PIEZO2: variants seen among roughly 807,000 people sequenced by gnomAD.
PIEZO2 encodes piezo type mechanosensitive ion channel component 2.
Under a neutral mutation model 337.3 loss-of-function variants are expected in PIEZO2, and 172 were observed. That is an observed-to-expected ratio of 0.51 (90% CI 0.45 to 0.58). The LOEUF (loss-of-function observed/expected upper bound fraction) is 0.58, where lower values mean the gene tolerates loss of function less well. Among genes scored for constraint, PIEZO2 ranks in the 20% least tolerant of loss-of-function variants. The pLI, the probability that PIEZO2 is intolerant of heterozygous loss-of-function variation, is 0.00. For synonymous variants in PIEZO2, 1,251 were observed against 1,228.5 expected (o/e 1.02, Z -0.38); for missense variants, 3,028 against 3,391.3 (o/e 0.89, Z 2.66).
intron 7 of PIEZO2, among the ~76,000 whole-genome samples, chr18:10,826,954 A>C (rs1568104234): frequency 6.6e-6 from 1 of 152,214 alleles, no homozygotes; most frequent in Non-Finnish European, 1.5e-5. Flanking sequence ...AGAATTATTC[A>C]GATGTAGCCT....
chr18:10,949,124 T>C (rs936302061), intron 3 of PIEZO2, among the ~76,000 whole-genome samples: 38 of 152,220 alleles, frequency 2.5e-4, no homozygotes, highest in Admixed American at 1.3e-4. Context: ...GTTATATCTA[T>C]TCTGAGATAA....
intron 2 of PIEZO2, among the ~76,000 whole-genome samples, chr18:10,985,002 A>G (rs1331543102): frequency 6.6e-6 from 1 of 152,128 alleles, no homozygotes; most frequent in Non-Finnish European, 1.5e-5. Context: ...TGTTCTCCAG[A>G]AATGAAGAAC....
chr18:10,728,966 A>C (rs1390657658), intron 36 of PIEZO2, among the ~76,000 whole-genome samples: 8 of 148,706 alleles, frequency 5.4e-5, no homozygotes, highest in South Asian at 2.2e-4. Flanking sequence ...AAAAAAAAAA[A>C]AAAAAAAACA....
Position 11,143,627 on chromosome 18 carries a change from ACACACACACACACTCT to A in PIEZO2, c.64+4882_64+4897del, listed in dbSNP as rs869102152. On this transcript the variant is annotated intron_variant, in intron 1 of 55. Coordinates refer to ENST00000674853, the MANE Select transcript of PIEZO2 (RefSeq NM_001378183.1). This position sits in a 1 kb window ranked among gnomAD's most constrained non-coding sequence, Gnocchi z 4.9. ...CACACACACACACACACACACACACACACACACACACACTCTCTCTCTCTCTCTCTCTCTCTCTCTC... is the reference window on the plus strand; with the variant it reads ...CACACACACACACACACACACACACACTCTCTCTCTCTCTCTCTCTCTCTC... 6.4e-3 allele frequency among the ~76,000 whole-genome samples: 690 copies of A among 107,860 alleles called. 5 individuals are homozygous for A. Among genetic ancestry groups the A allele is most frequent in the Admixed American group, 1.0e-2 (110 of 11,026 alleles). The allele number at this position is 107,860 out of a possible 152,430, so 70.8% of individuals were successfully genotyped here.
rs929586351 is a variant in PIEZO2 at position 10,751,561 on chromosome 18, C to T, written c.4167+1075G>A. On this transcript the variant is annotated intron_variant, in intron 28 of 55. Coordinates refer to ENST00000674853, the MANE Select transcript of PIEZO2 (RefSeq NM_001378183.1). The stretch of plus-strand genomic sequence containing the variant: ...TTATCCAAATACCTATTCATGGCTA[C>T]ATAAACTTGGCTTTCCAAGACTTCT... Among the ~76,000 whole-genome samples the T allele has an allele frequency of 4.0e-5, 6 of 151,116 alleles. 1 individual carries two copies. In the South Asian group the frequency reaches 1.3e-3, roughly 32 times the overall value.
chr18:10,725,446 T>A lies in PIEZO2; in HGVS notation c.5029+5961A>T, dbSNP rs61054604. 15,538 of 1,589,836 alleles carry A rather than the reference T, an allele frequency of 9.8e-3. 1,298 individuals are homozygous for A. The African/African-American group carries it at 0.18, about 19-fold the overall frequency. On this transcript the variant is annotated intron_variant, in intron 36 of 55. Transcript: ENST00000674853. ...CGCCAGTACTGGTTGGAGGGCATGC[T>A]GTGGCATGAAATAGGTCAGGGTGTG... is the stretch of plus-strand genomic sequence containing the variant.
intron 47 of PIEZO2, among the ~76,000 whole-genome samples, chr18:10,693,734 T>A (rs908777790): frequency 1.3e-4 from 20 of 151,728 alleles, no homozygotes; most frequent in Non-Finnish European, 2.6e-4. Context: ...CACCATTCAC[T>A]GGCTGAATGA....
At position 10,953,582 on chromosome 18, in the gene PIEZO2, C is replaced by T. The variant is rs1368135592; in HGVS notation, c.286+25953G>A. ...GGGTCTATTTCTGTACTCTTTTTTTCCTTCACCAATAGCAAACTGGCTTGA... is the reference window on the plus strand; with the variant it reads ...GGGTCTATTTCTGTACTCTTTTTTTTCTTCACCAATAGCAAACTGGCTTGA... On this transcript the variant is annotated intron_variant, in intron 3 of 55. Coordinates refer to ENST00000674853, the MANE Select transcript of PIEZO2 (RefSeq NM_001378183.1). The surrounding 1 kb of genome is among the most constrained non-coding windows in gnomAD (Gnocchi z 5.2). Among the ~76,000 whole-genome samples the T allele has an allele frequency of 1.3e-5, 2 of 151,882 alleles. No individual in the cohort carries two copies. Among genetic ancestry groups the T allele is most frequent in the Admixed American group, 6.6e-5 (1 of 15,260 alleles).
At position 10,862,102 on chromosome 18, in the gene PIEZO2, A is replaced by G. The variant is rs2041889221; in HGVS notation, c.493-4891T>C. 6.6e-6 allele frequency among the ~76,000 whole-genome samples: 1 copy of G among 152,132 alleles called. No homozygotes were observed. Among genetic ancestry groups the G allele is most frequent in the Non-Finnish European group, 1.5e-5 (1 of 68,038 alleles). On this transcript the variant is annotated intron_variant, in intron 5 of 55. Coordinates refer to ENST00000674853, the MANE Select transcript of PIEZO2 (RefSeq NM_001378183.1). The surrounding 1 kb of genome is among the most constrained non-coding windows in gnomAD (Gnocchi z 4.4). ...TTAATGTCCTCAACACAAATAAATA[A>G]TAAGTATTTGAGATGATGAATATGC...
Position 10,707,876 on chromosome 18 carries a change from T to G in PIEZO2, c.5588+399A>C, listed in dbSNP as rs983596631. 2.0e-5 allele frequency among the ~76,000 whole-genome samples: 3 copies of G among 152,248 alleles called. No individual in the cohort carries two copies. The highest frequency in any genetic ancestry group is 4.8e-5 in the African/African-American group (2 of 41,460). Reference sequence around the variant, plus strand: ...GATTTTTTTCCTACTGCATGCATCTTTTGATTACATCAAGAGAAGAAGTTT... The same window carrying G: ...GATTTTTTTCCTACTGCATGCATCTGTTGATTACATCAAGAGAAGAAGTTT... On this transcript the variant is annotated intron_variant, in intron 40 of 55. Transcript: ENST00000674853. This position sits in a 1 kb window ranked among gnomAD's most constrained non-coding sequence, Gnocchi z 4.2.
At chr18:11,013,711 C>T (rs367663772) in intron 2 of PIEZO2, among the ~76,000 whole-genome samples, 2 of 152,182 alleles carry the variant, frequency 1.3e-5, no homozygotes, top group African/African-American at 2.4e-5. Context: ...TCATTAGGAA[C>T]ATTTAGAGTC....
In PIEZO2 at chr18:11,097,415, C is replaced by T. The variant is rs1318369116; in HGVS notation, c.65-31193G>A. Among the ~76,000 whole-genome samples, 1 of 152,140 alleles carries T rather than the reference C, an allele frequency of 6.6e-6. No homozygotes were observed. Among genetic ancestry groups the T allele is most frequent in the Non-Finnish European group, 1.5e-5 (1 of 68,034 alleles). On this transcript the variant is annotated intron_variant, in intron 1 of 55. Transcript: ENST00000674853. The surrounding 1 kb of genome is among the most constrained non-coding windows in gnomAD (Gnocchi z 5.0). ...GTGCAACGCCTGACTCATTAACTGC[C>T]CGGCCCCTCACAGAAAAAGTTTGCT...
intron 3 of PIEZO2, among the ~76,000 whole-genome samples, chr18:10,977,595 TA>T (rs201757641): frequency 0.021 from 3,162 of 152,286 alleles, 53 homozygotes; most frequent in Middle Eastern, 0.051. Context: ...TGAAATATAA[TA>T]AATGCTCTTT....
In PIEZO2 at chr18:10,946,796, C is replaced by T. The variant is rs2033047172; in HGVS notation, c.286+32739G>A. 2.6e-5 allele frequency among the ~76,000 whole-genome samples: 4 copies of T among 152,008 alleles called. No homozygotes were observed. In the South Asian group the frequency reaches 8.3e-4, roughly 32 times the overall value. On this transcript the variant is annotated intron_variant, in intron 3 of 55. Coordinates refer to ENST00000674853, the MANE Select transcript of PIEZO2 (RefSeq NM_001378183.1). Reference sequence around the variant, plus strand: ...TCTCATAATACAATATCCAAAACACCTATGATAGATACAATTAAAAATCAC... The same window carrying T: ...TCTCATAATACAATATCCAAAACACTTATGATAGATACAATTAAAAATCAC...
rs943998789 is a variant in PIEZO2, at chr18:11,005,383, T to C, written c.161-25723A>G. 6.6e-5 allele frequency among the ~76,000 whole-genome samples: 10 copies of C among 152,380 alleles called. No individual in the cohort carries two copies. In the South Asian group the frequency reaches 1.2e-3, roughly 19 times the overall value. ...GCGTTTGTCTTTTATTTTTTTCCTTTCACATATCTTTGGAAGAAATGTAGT... is the reference window on the plus strand; with the variant it reads ...GCGTTTGTCTTTTATTTTTTTCCTTCCACATATCTTTGGAAGAAATGTAGT... On this transcript the variant is annotated intron_variant, in intron 2 of 55. Coordinates refer to ENST00000674853, the MANE Select transcript of PIEZO2 (RefSeq NM_001378183.1).
At position 11,064,622 on chromosome 18, in the gene PIEZO2, G is replaced by A. The variant is rs566198418; in HGVS notation, c.160+1505C>T. ...CCATAAACCATCAACTGTTTGTCAC[G>A]TCTGACATTGCTGCATATTCAGGGC... On this transcript the variant is annotated intron_variant, in intron 2 of 55. Transcript: ENST00000674853. Among the ~76,000 whole-genome samples the A allele has an allele frequency of 7.9e-5, 12 of 152,262 alleles. No homozygotes were observed. In the South Asian group the frequency reaches 1.4e-3, roughly 18 times the overall value.
Position 10,706,650 on chromosome 18 carries a change from CCTT to C in PIEZO2, c.5589-907_5589-905del, listed in dbSNP as rs540895723. Among the ~76,000 whole-genome samples, 22 of 152,326 alleles carry C rather than the reference CCTT, an allele frequency of 1.4e-4. No homozygotes were observed. In the South Asian group the frequency reaches 4.3e-3, roughly 30 times the overall value. The stretch of plus-strand genomic sequence containing the variant: ...TTCTTTTCTCTCATATCCTTTGTCT[CCTT>C]CTTTTGTTCCTTTAAACTTTCCCTG... On this transcript the variant is annotated intron_variant, in intron 40 of 55. Coordinates refer to ENST00000674853, the MANE Select transcript of PIEZO2 (RefSeq NM_001378183.1).
chr18:10,913,088 T>G (rs924258086), intron 3 of PIEZO2, among the ~76,000 whole-genome samples: 1 of 152,096 alleles, frequency 6.6e-6, no homozygotes, highest in African/African-American at 2.4e-5. Context: ...CAATTAAGAA[T>G]CCCTTTCTCA....
intron 3 of PIEZO2, among the ~76,000 whole-genome samples, chr18:10,926,758 A>T (rs547340393): frequency 8.5e-5 from 13 of 152,320 alleles, no homozygotes; most frequent in African/African-American, 3.1e-4. Context: ...GGTGGCAGCC[A>T]CCACGACTCT....
Sources: gnomAD v4.1 joint callset for allele counts (sites outside exome capture counted in the v4.1 genomes callset) on GRCh38, gnomAD v4.1.1 for gene constraint, Gnocchi (gnomAD v3.1) non-coding constraint, MANE v1.5 for transcripts, NCBI Gene and HGNC (gene_info 2026-07-23, HGNC 2026-07-21) for gene names.